Variants in MYO1D observed in about 807,000 individuals in gnomAD.
MYO1D encodes myosin ID, also known as unconventional myosin-Id.
A neutral mutation model predicts 122.0 loss-of-function variants in MYO1D; 83 were observed. The observed-to-expected ratio is 0.68, with a 90% CI of 0.57 to 0.82. MYO1D has a LOEUF of 0.82. Among genes scored for constraint, MYO1D ranks in the 40% least tolerant of loss-of-function variants. The pLI is 0.00. For missense variants in MYO1D, 1,157 were observed against 1,269.5 expected (o/e 0.91, Z 1.35); for synonymous variants, 464 against 446.9 (o/e 1.04, Z -0.48).
intron 1 of MYO1D, among the ~76,000 whole-genome samples, chr17:32,808,503 C>T (rs986777217): frequency 8.6e-5 from 13 of 152,040 alleles, no homozygotes; most frequent in Admixed American, 3.9e-4. Context: ...TGCTTTTATC[C>T]GACTATAACC....
At chr17:32,865,730 C>T (rs1479114508) in intron 1 of MYO1D, among the ~76,000 whole-genome samples, 4 of 152,106 alleles carry the variant, frequency 2.6e-5, no homozygotes, top group Non-Finnish European at 4.4e-5. Context: ...AAAGGCAATC[C>T]CATGCTGGGA....
chr17:32,707,247 G>C (rs1284098713), intron 16 of MYO1D, among the ~76,000 whole-genome samples: 1 of 151,918 alleles, frequency 6.6e-6, no homozygotes, highest in African/African-American at 2.4e-5. Context: ...AGTCACAAGA[G>C]AGGCAATCCA....
intron 20 of MYO1D, among the ~76,000 whole-genome samples, chr17:32,633,326 A>G (rs2088048688): frequency 6.6e-6 from 1 of 152,056 alleles, no homozygotes; most frequent in Admixed American, 6.6e-5. Flanking sequence ...AAGAAATGAG[A>G]AAAAGTACAT....
intron 1 of MYO1D, among the ~76,000 whole-genome samples, chr17:32,819,511 T>C (rs1042386365): frequency 6.6e-6 from 1 of 152,216 alleles, no homozygotes; most frequent in Non-Finnish European, 1.5e-5. Flanking sequence ...ATTCTCTGCA[T>C]CAGGTGCTTT....
intron 1 of MYO1D, among the ~76,000 whole-genome samples, chr17:32,859,673 T>C (rs2091054128): frequency 6.6e-6 from 1 of 152,226 alleles, no homozygotes; most frequent in African/African-American, 2.4e-5. Context: ...GTATTTGAGG[T>C]TGGTGTTCAT....
At chr17:32,558,927 A>G (rs955705150) in intron 21 of MYO1D, among the ~76,000 whole-genome samples, 1 of 152,234 alleles carries the variant, frequency 6.6e-6, no homozygotes, top group African/African-American at 2.4e-5. Context: ...TATAAATGGC[A>G]GTAATAATAG....
At chr17:32,859,193 A>G (rs1025789211) in intron 1 of MYO1D, among the ~76,000 whole-genome samples, 1 of 152,236 alleles carries the variant, frequency 6.6e-6, no homozygotes, top group East Asian at 1.9e-4. Flanking sequence ...GTCTAGCTGT[A>G]TATTGAAAAC....
rs5820001 is a variant in MYO1D, at chr17:32,867,798, CAAAAAAAA to C, written c.95+8972_95+8979del. Among the ~76,000 whole-genome samples, 54 of 53,934 alleles carry C rather than the reference CAAAAAAAA, an allele frequency of 1.0e-3. No homozygotes were observed. The South Asian group carries it at 0.012, about 12-fold the overall frequency. The allele number at this position is 53,934 out of a possible 152,430, so 35.4% of individuals were successfully genotyped here. On this transcript the variant is annotated intron_variant, in intron 1 of 21. Coordinates refer to ENST00000318217, the MANE Select transcript of MYO1D (RefSeq NM_015194.3). ...TGGGCGACAGAGCAAGACTCCGTCT[CAAAAAAAA>C]AAAAAAAAAAAAAAAAAGAATTCAA... is the stretch of plus-strand genomic sequence containing the variant.
chr17:32,681,720 A>G (rs1172171707), intron 16 of MYO1D, among the ~76,000 whole-genome samples: 3 of 147,642 alleles, frequency 2.0e-5, no homozygotes, highest in Admixed American at 2.0e-4. Flanking sequence ...AAAAAAATGT[A>G]TATTCTGTTG....
chr17:32,581,831 T>C (rs1416416364), intron 21 of MYO1D, among the ~76,000 whole-genome samples: 1 of 152,054 alleles, frequency 6.6e-6, no homozygotes, highest in Non-Finnish European at 1.5e-5. Context: ...AGTAGAGCGA[T>C]CTCGGCTCAC....
intron 21 of MYO1D, among the ~76,000 whole-genome samples, chr17:32,529,322 A>T (rs1910440983): frequency 6.7e-6 from 1 of 149,944 alleles, no homozygotes; most frequent in Non-Finnish European, 1.5e-5. Context: ...CTATAGCAGG[A>T]AGCAGGTGAG....
chr17:32,521,849 C>T (rs1184478890), intron 21 of MYO1D, among the ~76,000 whole-genome samples: 4 of 151,956 alleles, frequency 2.6e-5, no homozygotes, highest in African/African-American at 7.2e-5. Flanking sequence ...TTTGGGAGGC[C>T]GAGGTGGGGG....
intron 21 of MYO1D, among the ~76,000 whole-genome samples, chr17:32,556,783 T>C (rs1244712345): frequency 6.6e-6 from 1 of 152,148 alleles, no homozygotes; most frequent in Non-Finnish European, 1.5e-5. Flanking sequence ...ACATTTAACA[T>C]TAAGACCATG....
chr17:32,794,723 C>T (rs2090394791), intron 1 of MYO1D, among the ~76,000 whole-genome samples: 1 of 152,112 alleles, frequency 6.6e-6, no homozygotes, highest in Admixed American at 6.6e-5. Context: ...TGTGACTATA[C>T]CACAGCAGAG....
intron 1 of MYO1D, among the ~76,000 whole-genome samples, chr17:32,800,542 G>C (rs753370795): frequency 1.3e-5 from 2 of 152,112 alleles, no homozygotes; most frequent in African/African-American, 4.8e-5. Context: ...CCAGAGGCTG[G>C]AGACCAGGGG....
rs1466833191 is a variant in MYO1D, at chr17:32,771,110, A to G, written c.714+15T>C. ...TGATTTTCTATTGGAGCAATCTCAA[A>G]GAGGAAATTCTCACCTTTAATTGAG... On this transcript the variant is annotated intron_variant, in intron 6 of 21. Coordinates refer to ENST00000318217, the MANE Select transcript of MYO1D (RefSeq NM_015194.3). 2 of 1,557,338 alleles carry G rather than the reference A, an allele frequency of 1.3e-6. No individual in the cohort carries two copies. The highest frequency in any genetic ancestry group is 1.7e-5 in the Admixed American group (1 of 59,532).
At chr17:32,603,404 T>C (rs2087585421) in intron 21 of MYO1D, among the ~76,000 whole-genome samples, 1 of 152,172 alleles carries the variant, frequency 6.6e-6, no homozygotes, top group South Asian at 2.1e-4. Context: ...CAAATTAAAA[T>C]TCCTTTAATT....
At position 32,815,026 on chromosome 17, in the gene MYO1D, A is replaced by G. The variant is rs190604941; in HGVS notation, c.96-34242T>C. On this transcript the variant is annotated intron_variant, in intron 1 of 21. Transcript: ENST00000318217. Reference sequence around the variant, plus strand: ...TGTCTAGACCTCAGAAATTCCACCAATGAGTACTCTGTCACATGACACGTA... The same window carrying G: ...TGTCTAGACCTCAGAAATTCCACCAGTGAGTACTCTGTCACATGACACGTA... Among the ~76,000 whole-genome samples the G allele has an allele frequency of 1.8e-4, 27 of 152,344 alleles. No homozygotes were observed. In the East Asian group the frequency reaches 4.2e-3, roughly 24 times the overall value.
At position 32,745,256 on chromosome 17, in the gene MYO1D, T is replaced by C. The variant is rs1407896364; in HGVS notation, c.1568A>G (p.Asn523Ser). The C allele has an allele frequency of 1.3e-6, 2 of 1,550,120 alleles. No individual in the cohort carries two copies. The highest frequency in any genetic ancestry group is 1.7e-5 in the Admixed American group (1 of 57,350). ...GAAATCTTGAAATAAAGTATCTTTA[T>C]TTTTGTCAATAAAACCAATGACAGA... ...VYSVIGFIDK[N>S]KDTLFQDFKR... The change falls in exon 13 of 22, where the codon AAT (asparagine) becomes AGT (serine). Residue 523 changes from asparagine to serine, a missense_variant. Transcript: ENST00000318217.
Sources: gnomAD v4.1 joint callset for allele counts (sites outside exome capture counted in the v4.1 genomes callset) on GRCh38, gnomAD v4.1.1 for gene constraint, MANE v1.5 for transcripts, NCBI Gene and HGNC (gene_info 2026-07-23, HGNC 2026-07-21) for gene names.